The following ZMYM2 variants were observed in gnomAD, a reference collection of about 807,000 sequenced individuals.
ZMYM2 encodes the protein zinc finger MYM-type containing 2.
ZMYM2 carries 56 observed loss-of-function variants against 162.8 expected under a neutral mutation model. The ratio of observed to expected loss-of-function variants is 0.34; its 90% CI spans 0.28 to 0.43. ZMYM2 has a LOEUF of 0.43. ZMYM2 is among the 20% of genes least tolerant of loss of function. ZMYM2 has a pLI of 1.00. For missense variants in ZMYM2, 1,275 were observed against 1,621.8 expected (o/e 0.79, Z 3.67); for synonymous variants, 510 against 541.6 (o/e 0.94, Z 0.81).
chr13:20,083,844 C>T, intron 24 of ZMYM2, 68 bp downstream of exon 24: 1 of 1,488,938 alleles, frequency 6.7e-7, no homozygotes, highest in Non-Finnish European at 9.1e-7. Context: ...TTTAACATTA[C>T]CAAGAAGTGA....
At chr13:19,895,374 T>A in the ZMYM2 span, among the ~76,000 whole-genome samples, 1 of 151,910 alleles carries the variant, frequency 6.6e-6, no homozygotes, top group Non-Finnish European at 1.5e-5. Flanking sequence ...ACTGGGTGAT[T>A]TATAAAGAAA....
chr13:19,896,736 GA>G, the ZMYM2 span, among the ~76,000 whole-genome samples: 18,482 of 136,854 alleles, frequency 0.14, 1,614 homozygotes, highest in African/African-American at 0.25. Context: ...CAGCCTGACA[GA>G]GTGACAGAGC....
chr13:19,996,465 G>A (rs930660150), intron 3 of ZMYM2, among the ~76,000 whole-genome samples: 1 of 152,036 alleles, frequency 6.6e-6, no homozygotes, highest in Non-Finnish European at 1.5e-5. Context: ...GGTGGCTCAA[G>A]CCTGTAATCT....
intron 6 of ZMYM2, among the ~76,000 whole-genome samples, chr13:20,017,488 C>T (rs955218181): frequency 2.6e-5 from 4 of 152,146 alleles, no homozygotes; most frequent in African/African-American, 9.7e-5. Context: ...TGTTTGCTAA[C>T]CTTCTATCTG....
intron 2 of ZMYM2, among the ~76,000 whole-genome samples, chr13:19,967,736 T>G (rs943198085): frequency 6.6e-6 from 1 of 152,214 alleles, no homozygotes; most frequent in East Asian, 1.9e-4. Flanking sequence ...TTCCTGAGAT[T>G]GTTGAGGTGA....
intron 6 of ZMYM2, among the ~76,000 whole-genome samples, chr13:20,016,225 A>G (rs1295272994): frequency 2.0e-5 from 3 of 152,058 alleles, no homozygotes; most frequent in Admixed American, 2.0e-4. Context: ...ACATCCTATA[A>G]TTCAATCTAA....
the ZMYM2 span, among the ~76,000 whole-genome samples, chr13:19,915,401 C>T: frequency 6.7e-6 from 1 of 149,776 alleles, no homozygotes; most frequent in East Asian, 2.0e-4. Flanking sequence ...GCATGCTTGG[C>T]TTGCTTGCTT....
At chr13:20,014,562 T>C (rs1951456212) in intron 6 of ZMYM2, among the ~76,000 whole-genome samples, 1 of 152,136 alleles carries the variant, frequency 6.6e-6, no homozygotes, top group Non-Finnish European at 1.5e-5. Flanking sequence ...CTGGTAGTAA[T>C]GTCTCCTATA....
the ZMYM2 span, among the ~76,000 whole-genome samples, chr13:19,925,173 C>T: frequency 1.3e-5 from 2 of 152,146 alleles, no homozygotes; most frequent in African/African-American, 4.8e-5. Context: ...CATGAGCCAC[C>T]GTGCCCGGCA....
chr13:20,015,936 A>G (rs1951587714), intron 6 of ZMYM2, among the ~76,000 whole-genome samples: 1 of 152,100 alleles, frequency 6.6e-6, no homozygotes, highest in Non-Finnish European at 1.5e-5. Context: ...ATCCGATCAA[A>G]AAGCAGAAAT....
intron 12 of ZMYM2, among the ~76,000 whole-genome samples, chr13:20,050,483 G>A (rs926536007): frequency 6.3e-5 from 9 of 143,386 alleles, no homozygotes; most frequent in Non-Finnish European, 1.1e-4. Context: ...GAATTTCTAA[G>A]CTGTTAAGCC....
intron 6 of ZMYM2, among the ~76,000 whole-genome samples, chr13:20,018,497 C>A (rs1427615027): frequency 1.3e-5 from 2 of 152,148 alleles, no homozygotes; most frequent in Admixed American, 1.3e-4. Context: ...CTCTCACCCC[C>A]TTTGTCCTTT....
intron 12 of ZMYM2, among the ~76,000 whole-genome samples, chr13:20,045,401 G>C (rs1225484546): frequency 6.6e-6 from 1 of 152,156 alleles, no homozygotes; most frequent in Non-Finnish European, 1.5e-5. Flanking sequence ...CTTTACTGTT[G>C]CTTCTATATG....
the ZMYM2 span, among the ~76,000 whole-genome samples, chr13:19,878,516 CCTTTTT>C: frequency 4.3e-5 from 5 of 116,930 alleles, no homozygotes; most frequent in Admixed American, 5.7e-4. Context: ...ATTCCTTTGC[CCTTTTT>C]TTTTTTTTTT....
At chr13:20,048,468 A>G (rs1228550394) in intron 12 of ZMYM2, among the ~76,000 whole-genome samples, 1 of 152,010 alleles carries the variant, frequency 6.6e-6, no homozygotes, top group Non-Finnish European at 1.5e-5. Flanking sequence ...CATTGTGCTC[A>G]GAAAGCTGTA....
At chr13:20,057,407 G>A (rs1955881976) in intron 14 of ZMYM2, among the ~76,000 whole-genome samples, 2 of 152,024 alleles carry the variant, frequency 1.3e-5, no homozygotes, top group South Asian at 4.1e-4. Flanking sequence ...CAGAGTTCTG[G>A]GATTACACAT....
At chr13:19,959,690 C>T (rs1954965078) in intron 1 of ZMYM2, among the ~76,000 whole-genome samples, 1 of 152,158 alleles carries the variant, frequency 6.6e-6, no homozygotes, top group Non-Finnish European at 1.5e-5. Context: ...TCCCCCCTCC[C>T]TTCCCGGGAG....
At chr13:20,027,012 G>A (rs1050581453) in intron 8 of ZMYM2, among the ~76,000 whole-genome samples, 191 bp from the exon 9 acceptor site, 1 of 151,830 alleles carries the variant, frequency 6.6e-6, no homozygotes, top group Non-Finnish European at 1.5e-5. Context: ...CTATATCTAT[G>A]TATGTTTTAG....
chr13:19,925,166 G>A, the ZMYM2 span, among the ~76,000 whole-genome samples: 1 of 152,198 alleles, frequency 6.6e-6, no homozygotes, highest in Non-Finnish European at 1.5e-5. Context: ...TTACAGGCAT[G>A]AGCCACCGTG....
Sources: allele counts gnomAD v4.1 joint callset (sites outside exome capture counted in the v4.1 genomes callset), GRCh38; gene constraint gnomAD v4.1.1; transcripts MANE v1.5; gene names NCBI Gene and HGNC (gene_info 2026-07-23, HGNC 2026-07-21).